ADGRL3: variants seen among roughly 807,000 people sequenced by gnomAD.
The protein encoded by ADGRL3 is adhesion G protein-coupled receptor L3.
In ADGRL3, 62 loss-of-function variants were observed where a neutral mutation model predicts 153.5. The ratio of observed to expected loss-of-function variants is 0.40; its 90% confidence interval spans 0.33 to 0.50. ADGRL3 has a LOEUF of 0.50. ADGRL3 is among the 20% of genes least tolerant of loss of function. The pLI is 0.47. For missense variants in ADGRL3, 1,641 were observed against 1,859.4 expected, an observed-to-expected ratio of 0.88 and a Z score of 2.16; for synonymous variants, 710 against 672.5, an observed-to-expected ratio of 1.06 and a Z score of -0.86.
At chr4:61,920,104 G>A (rs999511215) in intron 13 of ADGRL3, among the ~76,000 whole-genome samples, 1 of 152,024 alleles carries the variant, frequency 6.6e-6, no homozygotes, top group African/African-American at 2.4e-5. Flanking sequence ...TTTACTTAAA[G>A]CCCATTCTAT....
At chr4:61,528,972 C>T (rs2098595433) in intron 4 of ADGRL3, among the ~76,000 whole-genome samples, 2 of 151,932 alleles carry the variant, frequency 1.3e-5, no homozygotes, top group African/African-American at 4.8e-5. Flanking sequence ...CTAAGGCTAT[C>T]TGAGTTTTTC....
intron 4 of ADGRL3, among the ~76,000 whole-genome samples, chr4:61,585,792 C>G (rs187066220): frequency 0.013 from 2,028 of 152,062 alleles, 28 homozygotes; most frequent in Non-Finnish European, 0.019. Context: ...AACTGTTAAA[C>G]TTGACAGGAA....
chr4:61,293,565 A>G (rs2094302386), intron 1 of ADGRL3, among the ~76,000 whole-genome samples: 1 of 152,204 alleles, frequency 6.6e-6, no homozygotes, highest in African/African-American at 2.4e-5. Context: ...TGTGCTGCAT[A>G]TAATATTAGT....
At chr4:61,765,201 C>T (rs896792419) in intron 8 of ADGRL3, among the ~76,000 whole-genome samples, 1 of 151,944 alleles carries the variant, frequency 6.6e-6, no homozygotes, top group African/African-American at 2.4e-5. Context: ...AAGAGCAGGG[C>T]ATGTATGAGT....
intron 6 of ADGRL3, among the ~76,000 whole-genome samples, chr4:61,687,445 GGA>G (rs1181887931): frequency 1.3e-5 from 2 of 151,866 alleles, no homozygotes; most frequent in African/African-American, 4.8e-5. Context: ...GATGGAGGAA[GGA>G]GCCACTAGCC....
chr4:61,777,942 TAAGA>T (rs1447696685), intron 8 of ADGRL3, among the ~76,000 whole-genome samples: 4 of 152,256 alleles, frequency 2.6e-5, no homozygotes, highest in Non-Finnish European at 4.4e-5. Flanking sequence ...TCCAGAGACT[TAAGA>T]AAGAGTTCTA....
At chr4:61,589,381 C>T (rs1281796263) in intron 5 of ADGRL3, among the ~76,000 whole-genome samples, 1 of 152,006 alleles carries the variant, frequency 6.6e-6, no homozygotes, top group African/African-American at 2.4e-5. Flanking sequence ...GGCACAATGT[C>T]GTGGCCATTT....
chr4:61,741,916 A>C (rs78169384), intron 8 of ADGRL3, among the ~76,000 whole-genome samples: 13,194 of 152,252 alleles, frequency 0.087, 1,198 homozygotes, highest in African/African-American at 0.23. Context: ...AAAATCATTT[A>C]TATGTGTATT....
chr4:61,680,307 CA>C (rs201616890), intron 6 of ADGRL3, among the ~76,000 whole-genome samples: 33,855 of 151,336 alleles, frequency 0.22, 3,942 homozygotes, highest in East Asian at 0.34. Flanking sequence ...TTTATGACCA[CA>C]AACTTTAGTG....
intron 9 of ADGRL3, among the ~76,000 whole-genome samples, chr4:61,848,607 A>G (rs1358618170): frequency 6.6e-6 from 1 of 152,072 alleles, no homozygotes; most frequent in Non-Finnish European, 1.5e-5. Flanking sequence ...TAGGACTTCA[A>G]TGTATCTTTT....
At chr4:61,599,221 A>G (rs1169681766) in intron 5 of ADGRL3, among the ~76,000 whole-genome samples, 1 of 152,248 alleles carries the variant, frequency 6.6e-6, no homozygotes, top group Non-Finnish European at 1.5e-5. Context: ...AAACCCAGCA[A>G]GGCCCATCTG....
At chr4:61,710,609 T>A (rs963312842) in intron 6 of ADGRL3, among the ~76,000 whole-genome samples, 2 of 152,218 alleles carry the variant, frequency 1.3e-5, no homozygotes, top group African/African-American at 4.8e-5. Context: ...TATATTATTC[T>A]TAAGGTATAG....
At chr4:61,733,920 C>T (rs1469372637) in intron 8 of ADGRL3, among the ~76,000 whole-genome samples, 2 of 152,194 alleles carry the variant, frequency 1.3e-5, no homozygotes, top group Non-Finnish European at 2.9e-5. Context: ...CACAGAAGTG[C>T]TGTCTACTTG....
At chr4:61,215,402 TAAAG>T (rs950061035) in intron 1 of ADGRL3, among the ~76,000 whole-genome samples, 14 of 152,118 alleles carry the variant, frequency 9.2e-5, no homozygotes, top group African/African-American at 3.1e-4. Flanking sequence ...GCATGTGAAA[TAAAG>T]AAAGGTACAG....
Position 61,802,489 on chromosome 4 carries a change from G to A in ADGRL3, c.1400-11320G>A, listed in dbSNP as rs182571143. Among the ~76,000 whole-genome samples the A allele has an allele frequency of 3.7e-3, 569 of 151,970 alleles. 2 individuals are homozygous for A. The highest frequency in any genetic ancestry group is 0.014 in the Admixed American group (220 of 15,248). ...TTCCAGATGTCAACAATATGACTACGGGCATCTTCAAACCTGTATTTTTCA... is the reference window on the plus strand; with the variant it reads ...TTCCAGATGTCAACAATATGACTACAGGCATCTTCAAACCTGTATTTTTCA... On this transcript the variant is annotated intron_variant, in intron 8 of 26. Coordinates refer to ENST00000683033, the MANE Select transcript of ADGRL3 (RefSeq NM_001387552.1).
intron 13 of ADGRL3, among the ~76,000 whole-genome samples, chr4:61,923,201 G>T (rs2098778279): frequency 6.6e-6 from 1 of 152,190 alleles, no homozygotes; most frequent in African/African-American, 2.4e-5. Flanking sequence ...TTTGACCAGG[G>T]TCATGACATA....
chr4:61,585,038 CAAG>C (rs2098940741), intron 4 of ADGRL3, among the ~76,000 whole-genome samples: 2 of 151,924 alleles, frequency 1.3e-5, no homozygotes, highest in South Asian at 4.1e-4. Flanking sequence ...AGTGTTGACA[CAAG>C]AACAAACTTT....
At chr4:61,488,530 G>A (rs1483060958) in intron 2 of ADGRL3, among the ~76,000 whole-genome samples, 4 of 151,876 alleles carry the variant, frequency 2.6e-5, no homozygotes, top group Non-Finnish European at 4.4e-5. Flanking sequence ...GAAGAATGGA[G>A]GCATGACTCA....
At chr4:62,029,123 A>G (rs1304119177) in intron 22 of ADGRL3, among the ~76,000 whole-genome samples, 1 of 151,780 alleles carries the variant, frequency 6.6e-6, no homozygotes, top group Non-Finnish European at 1.5e-5. Flanking sequence ...ATTCAGTGCC[A>G]CAGCAATAAC....
Sources: gnomAD v4.1 joint callset for allele counts (sites outside exome capture counted in the v4.1 genomes callset) on GRCh38, gnomAD v4.1.1 for gene constraint, MANE v1.5 for transcripts, NCBI Gene and HGNC (gene_info 2026-07-23, HGNC 2026-07-21) for gene names.